The following ARHGAP17 variants were observed in gnomAD, a reference collection of about 807,000 sequenced individuals.
ARHGAP17 encodes the protein rho GTPase-activating protein 17.
In ARHGAP17, 57 loss-of-function variants were observed where a neutral mutation model predicts 99.5. The ratio of observed to expected loss-of-function variants is 0.57; its 90% confidence interval spans 0.46 to 0.71. The LOEUF is 0.71. ARHGAP17 is among the 30% of genes least tolerant of loss of function. The probability of loss-of-function intolerance (pLI) is 0.00; values close to 1 mark genes in which losing one functional copy is unlikely to be tolerated. For missense variants in ARHGAP17, 1,000 were observed against 1,122.4 expected (o/e 0.89, Z 1.56); for synonymous variants, 417 against 429.6 (o/e 0.97, Z 0.36).
intron 1 of ARHGAP17, among the ~76,000 whole-genome samples, chr16:25,014,562 G>A (rs769438976): frequency 2.0e-5 from 3 of 152,166 alleles, no homozygotes; most frequent in African/African-American, 4.8e-5. Context: ...ATCCTTTTCC[G>A]CCAATTCCTA....
At chr16:24,934,513 G>A (rs1227473731) in intron 18 of ARHGAP17, among the ~76,000 whole-genome samples, 1 of 151,744 alleles carries the variant, frequency 6.6e-6, no homozygotes, top group African/African-American at 2.4e-5. Flanking sequence ...GAGTGCGGTG[G>A]TGCAATCATA....
At position 24,952,974 on chromosome 16, in the gene ARHGAP17, A is replaced by G. The variant is rs202076503; in HGVS notation, c.921T>C (p.Thr307=). Reference sequence around the variant, plus strand: ...CTGAATAGAACTCATCCAGGTGAGAAGTAGAACAGTCCAAAGCAGCTTTCA... The same window carrying G: ...CTGAATAGAACTCATCCAGGTGAGAGGTAGAACAGTCCAAAGCAGCTTTCA... The part of the protein sequence containing the change: ...KKLKAALDCS[T]SHLDEFYSDP... The change falls in exon 11 of 20, where the codon ACT becomes ACC. Residue 307 remains threonine, a synonymous_variant. Transcript: ENST00000289968. 33 of 1,614,216 alleles carry G rather than the reference A, an allele frequency of 2.0e-5. No individual in the cohort carries two copies. The highest frequency in any genetic ancestry group is 6.7e-5 in the Admixed American group (4 of 60,022).
intron 1 of ARHGAP17, among the ~76,000 whole-genome samples, chr16:25,011,693 C>T (rs1223909843): frequency 5.6e-5 from 7 of 125,740 alleles, no homozygotes; most frequent in African/African-American, 1.3e-4. Flanking sequence ...AGCCAGACTC[C>T]GTCTCAAAAA....
At chr16:24,982,317 T>C (rs540935825) in intron 1 of ARHGAP17, among the ~76,000 whole-genome samples, 3 of 152,164 alleles carry the variant, frequency 2.0e-5, no homozygotes, top group South Asian at 4.1e-4. Flanking sequence ...GGCACGAGAA[T>C]TGCTTGAACC....
Position 24,931,027 on chromosome 16 carries a change from G to T in ARHGAP17, c.2272C>A (p.Pro758Thr), listed in dbSNP as rs549050721. ...EQPSHTPPQT[P>T]TPPSTPPLGK... ...AGGGGCGGAGTACTGGGGGGCGTTG[G>T]AGTCTGGGGAGGGGTGTGAGATGGC... Residue 758 changes from proline to threonine, a missense_variant, in exon 19 of 20, where the codon CCA becomes ACA. Around this residue, in one of 2 missense-constraint regions of ARHGAP17, gnomAD observed 528 missense variants for 511.4 expected, o/e 1.03. Transcript: ENST00000289968. 1 of 1,612,082 alleles carries T rather than the reference G, an allele frequency of 6.2e-7. No individual in the cohort carries two copies. Among genetic ancestry groups the T allele is most frequent in the East Asian group, 2.2e-5 (1 of 44,856 alleles).
Position 24,953,011 on chromosome 16 carries a change from T to C in ARHGAP17, c.884A>G (p.Lys295Arg), listed in dbSNP as rs2051690379. 1 of 1,614,192 alleles carries C rather than the reference T, an allele frequency of 6.2e-7. No homozygotes were observed. Among genetic ancestry groups the C allele is most frequent in the Non-Finnish European group, 8.5e-7 (1 of 1,180,030 alleles). Residue 295 changes from lysine to arginine, a missense_variant, in exon 11 of 20, where the codon AAG (lysine) becomes AGG (arginine). Coordinates refer to ENST00000289968, the MANE Select transcript of ARHGAP17 (RefSeq NM_001006634.3). ...GLFRIGAGAS[K>R]LKKLKAALDC... ...CAAAGCAGCTTTCAGCTTCTTTAAC[T>C]TGGAGGCCCCAGCCCCAATTCGGAA...
intron 6 of ARHGAP17, 25 bp from the exon 7 acceptor site, chr16:24,964,333 AT>A (rs1359690510): frequency 1.3e-6 from 2 of 1,517,150 alleles, no homozygotes; most frequent in South Asian, 2.3e-5. Context: ...GGTCACCAGC[AT>A]CTGAGAACCA....
chr16:24,962,348 C>T (rs890953311), intron 7 of ARHGAP17, among the ~76,000 whole-genome samples: 1 of 152,142 alleles, frequency 6.6e-6, no homozygotes, highest in Non-Finnish European at 1.5e-5. Flanking sequence ...TCCTGAAGAA[C>T]TGTACTCTCA....
intron 6 of ARHGAP17, among the ~76,000 whole-genome samples, chr16:24,966,247 A>G (rs567160934): frequency 6.6e-6 from 1 of 152,284 alleles, no homozygotes; most frequent in African/African-American, 2.4e-5. Flanking sequence ...CTGTAATCCC[A>G]ACACTGTGGG....
intron 18 of ARHGAP17, among the ~76,000 whole-genome samples, chr16:24,932,605 G>T (rs577641378): frequency 3.9e-5 from 6 of 152,010 alleles, no homozygotes; most frequent in African/African-American, 9.7e-5. Context: ...TACCAATTCC[G>T]CAACCATTTG....
chr16:24,959,854 G>C, intron 8 of ARHGAP17, 57 bp downstream of exon 8: 2 of 1,605,552 alleles, frequency 1.2e-6, no homozygotes, highest in Non-Finnish European at 1.7e-6. Flanking sequence ...TTGCAAAAAA[G>C]CTAAAATGAC....
intron 3 of ARHGAP17, among the ~76,000 whole-genome samples, chr16:24,973,873 C>T (rs2052439290): frequency 1.3e-5 from 2 of 152,164 alleles, no homozygotes; most frequent in South Asian, 2.1e-4. Flanking sequence ...AGGAAGACAA[C>T]AGGAACTAGA....
intron 7 of ARHGAP17, 123 bp from the exon 8 acceptor site, chr16:24,960,102 C>T: frequency 1.2e-6 from 1 of 848,888 alleles, no homozygotes; most frequent in Non-Finnish European, 1.9e-6. Context: ...ATTAAATGTC[C>T]ATCAACTGCC....
At position 24,978,977 on chromosome 16, in the gene ARHGAP17, C is replaced by T. The variant is rs1273142356; in HGVS notation, c.82G>A (p.Asp28Asn). ...CTATATTTTGTTACCTGTAATAGAT[C>T]TTCACTAAGGACTTCTGTTTTCTCA... ...RAEKTEVLSE[D>N]LLQIERRLDT... The change falls in exon 2 of 20, where the codon GAT becomes AAT. Residue 28 changes from aspartate (D) to asparagine (N), a missense_variant. By Grantham distance (23) the Asp-to-Asn change is conservative. Around this residue, in one of 2 missense-constraint regions of ARHGAP17, gnomAD observed 472 missense variants for 611.1 expected, o/e 0.77. Transcript: ENST00000289968. 6.3e-7 allele frequency: 1 copy of T among 1,587,266 alleles called. No homozygotes were observed. Among genetic ancestry groups the T allele is most frequent in the African/African-American group, 1.4e-5 (1 of 73,030 alleles).
chr16:24,964,356 T>A, intron 6 of ARHGAP17, 48 bp from the exon 7 acceptor site: 1 of 1,305,340 alleles, frequency 7.7e-7, no homozygotes, highest in Non-Finnish European at 1.1e-6. Flanking sequence ...CTGTGTATAC[T>A]CAACAGCTGG....
At chr16:25,006,791 G>T (rs1014889189) in intron 1 of ARHGAP17, among the ~76,000 whole-genome samples, 1 of 152,182 alleles carries the variant, frequency 6.6e-6, no homozygotes, top group African/African-American at 2.4e-5. Context: ...AGAGGGAAAT[G>T]AAGCCAATTT....
Position 25,015,294 on chromosome 16 carries a change from G to C in ARHGAP17, c.-33C>G, listed in dbSNP as rs910574476. 10 of 1,307,178 alleles carry C rather than the reference G, an allele frequency of 7.7e-6. No individual in the cohort carries two copies. In the East Asian group the frequency reaches 3.2e-4, roughly 42 times the overall value. The allele number at this position is 1,307,178 out of a possible 1,614,324, so 81.0% of individuals were successfully genotyped here. A position where few individuals can be genotyped will look rare whatever the true frequency, so the allele number is the denominator to read the frequency against. ...GTGGCGGCGGCGGCCCGCGGGGCTC[G>C]GGCCGGGCAGGGCGGGGGACAGCCT... On this transcript the variant is annotated 5_prime_UTR_variant, in exon 1 of 20. Transcript: ENST00000289968.
At chr16:24,954,271 C>T (rs568420917) in intron 10 of ARHGAP17, among the ~76,000 whole-genome samples, 48 of 152,274 alleles carry the variant, frequency 3.2e-4, no homozygotes, top group African/African-American at 1.1e-3. Flanking sequence ...TAGTGCGTCA[C>T]GAAATCTATT....
At chr16:24,953,527 T>A (rs979881614) in intron 10 of ARHGAP17, among the ~76,000 whole-genome samples, 1 of 151,790 alleles carries the variant, frequency 6.6e-6, no homozygotes, top group African/African-American at 2.4e-5. Context: ...GTGTAGCAAC[T>A]CCCCCTTTGT....
Sources: gnomAD v4.1 joint callset for allele counts (sites outside exome capture counted in the v4.1 genomes callset) on GRCh38, gnomAD v4.1.1 for gene constraint, gnomAD v4.1.1 regional missense constraint, MANE v1.5 for transcripts, NCBI Gene and HGNC (gene_info 2026-07-23, HGNC 2026-07-21) for gene names.